The following FNDC3B variants were observed in gnomAD, a reference collection of about 807,000 sequenced individuals.
The protein encoded by FNDC3B is fibronectin type III domain containing 3B, also known as fibronectin type III domain-containing protein 3B.
A neutral mutation model predicts 151.5 loss-of-function variants in FNDC3B; 12 were observed. The ratio of observed to expected loss-of-function variants is 0.08; its 90% CI spans 0.05 to 0.13. FNDC3B has a LOEUF of 0.13. Among genes scored for constraint, FNDC3B ranks in the 10% least tolerant of loss-of-function variants. The pLI, the probability that FNDC3B is intolerant of heterozygous loss-of-function variation, is 1.00. For synonymous variants in FNDC3B, 528 were observed against 549.0 expected (o/e 0.96, Z 0.54); for missense variants, 1,214 against 1,505.3 (o/e 0.81, Z 3.20).
intron 2 of FNDC3B, among the ~76,000 whole-genome samples, chr3:172,114,532 A>G (rs553835949): frequency 6.6e-6 from 1 of 152,154 alleles, no homozygotes; most frequent in East Asian, 1.9e-4. Context: ...GCATTTCCCT[A>G]CCTTGCATAT....
intron 6 of FNDC3B, among the ~76,000 whole-genome samples, chr3:172,283,964 T>C (rs1474836411): frequency 6.6e-6 from 1 of 152,154 alleles, no homozygotes; most frequent in Non-Finnish European, 1.5e-5. Context: ...ACCAGCCCAT[T>C]TGTATTTCTC....
intron 22 of FNDC3B, among the ~76,000 whole-genome samples, chr3:172,360,416 G>A (rs780797639): frequency 9.2e-5 from 14 of 152,026 alleles, no homozygotes; most frequent in Non-Finnish European, 2.1e-4. Flanking sequence ...CATTCTCTTA[G>A]CAGTGCAAAA....
rs1728055870 is a variant in FNDC3B, at chr3:172,251,313, A to T, written c.562A>T (p.Ser188Cys). 1.2e-6 allele frequency: 2 copies of T among 1,613,862 alleles called. No individual in the cohort carries two copies. Among genetic ancestry groups the T allele is most frequent in the Non-Finnish European group, 1.7e-6 (2 of 1,179,766 alleles). Residue 188 changes from serine (S) to cysteine (C), a missense_variant, in exon 6 of 26, where the codon AGC becomes TGC. Around this residue, in one of 7 missense-constraint regions of FNDC3B, gnomAD observed 166 missense variants for 173.2 expected, o/e 0.96. Transcript: ENST00000415807. ...CTACATCACCCGAGAAGACCAGTACAGCAAGCCTCCGCACAAAAAACTGAA... is the reference window on the plus strand; with the variant it reads ...CTACATCACCCGAGAAGACCAGTACTGCAAGCCTCCGCACAAAAAACTGAA... ...STYITREDQY[S>C]KPPHKKLKDR...
chr3:172,233,756 A>G (rs1034408034), intron 4 of FNDC3B, among the ~76,000 whole-genome samples: 1 of 152,170 alleles, frequency 6.6e-6, no homozygotes, highest in Non-Finnish European at 1.5e-5. Flanking sequence ...TGAGATTCAG[A>G]CCCATTTGGT....
intron 1 of FNDC3B, among the ~76,000 whole-genome samples, chr3:172,052,843 G>C (rs1172825486): frequency 2.6e-5 from 4 of 152,208 alleles, no homozygotes; most frequent in African/African-American, 9.7e-5. Context: ...ATAGTGCTTA[G>C]ATTAAAGGAC....
rs377732209 is a variant in FNDC3B at position 172,170,095 on chromosome 3, A to G, written c.187+36549A>G. On this transcript the variant is annotated intron_variant, in intron 3 of 25. Coordinates refer to ENST00000415807, the MANE Select transcript of FNDC3B (RefSeq NM_022763.4). ...TCGTTATCTATGTTATTTAAAAGGT[A>G]TATTAAAAATATAAGCAAAGTTGTT... Among the ~76,000 whole-genome samples, 17 of 152,322 alleles carry G rather than the reference A, an allele frequency of 1.1e-4. No homozygotes were observed. The South Asian group carries it at 3.1e-3, about 28-fold the overall frequency.
chr3:172,298,681 G>C, intron 8 of FNDC3B, 47 bp from the exon 9 acceptor site: 1 of 1,419,346 alleles, frequency 7.0e-7, no homozygotes, highest in Non-Finnish European at 9.8e-7. Flanking sequence ...AATCTCGTTT[G>C]CTTTTGAAAC....
intron 11 of FNDC3B, among the ~76,000 whole-genome samples, chr3:172,312,587 A>T (rs1731568325): frequency 6.8e-6 from 1 of 147,300 alleles, no homozygotes; most frequent in African/African-American, 2.6e-5. Context: ...GTTCACCAGT[A>T]CAGAAAAGGC....
chr3:172,289,131 G>A (rs1243895587), intron 7 of FNDC3B, among the ~76,000 whole-genome samples: 3 of 152,184 alleles, frequency 2.0e-5, no homozygotes, highest in African/African-American at 7.2e-5. Flanking sequence ...TCAAGGTGTT[G>A]GCAGGGCTAT....
intron 1 of FNDC3B, among the ~76,000 whole-genome samples, chr3:172,045,541 A>G (rs1716321149): frequency 6.6e-6 from 1 of 152,232 alleles, no homozygotes; most frequent in Non-Finnish European, 1.5e-5. Context: ...ACAGCTGAGA[A>G]TGGAAAAGAA....
chr3:172,331,650 G>A (rs561919286), intron 13 of FNDC3B, among the ~76,000 whole-genome samples: 27 of 151,492 alleles, frequency 1.8e-4, no homozygotes, highest in East Asian at 5.9e-4. Flanking sequence ...GTGAGCCACC[G>A]CACCCAGCCA....
intron 5 of FNDC3B, among the ~76,000 whole-genome samples, chr3:172,250,094 T>C (rs1727991110): frequency 6.6e-6 from 1 of 152,216 alleles, no homozygotes; most frequent in Admixed American, 6.5e-5. Flanking sequence ...ATGTTACGCA[T>C]TGTCATTTTT....
intron 6 of FNDC3B, among the ~76,000 whole-genome samples, chr3:172,261,763 G>GATT (rs1244292605): frequency 1.3e-5 from 2 of 152,192 alleles, no homozygotes; most frequent in African/African-American, 4.8e-5. Context: ...AATTTACAAA[G>GATT]TAATAAGTGA....
chr3:172,271,523 T>C (rs752239716), intron 6 of FNDC3B, among the ~76,000 whole-genome samples: 5 of 152,226 alleles, frequency 3.3e-5, no homozygotes, highest in Non-Finnish European at 5.9e-5. Flanking sequence ...TGCGCTCTTA[T>C]TCTGATGAAA....
intron 23 of FNDC3B, among the ~76,000 whole-genome samples, chr3:172,369,439 C>A (rs2108353702): frequency 6.6e-6 from 1 of 151,932 alleles, no homozygotes; most frequent in African/African-American, 2.4e-5. Context: ...CATTTTAATA[C>A]ATTAATGTCT....
chr3:172,320,014 G>A (rs1274982126), intron 11 of FNDC3B, among the ~76,000 whole-genome samples: 2 of 152,162 alleles, frequency 1.3e-5, no homozygotes, highest in African/African-American at 4.8e-5. Flanking sequence ...CCAAATTCAT[G>A]GAACTTATTT....
chr3:172,063,995 G>A (rs1717357280), intron 1 of FNDC3B, among the ~76,000 whole-genome samples: 2 of 152,132 alleles, frequency 1.3e-5, no homozygotes, highest in African/African-American at 2.4e-5. Flanking sequence ...AGAAGCTTAA[G>A]GGCCAGGTGT....
intron 1 of FNDC3B, among the ~76,000 whole-genome samples, chr3:172,105,748 T>A (rs1483473275): frequency 1.3e-5 from 2 of 152,218 alleles, no homozygotes; most frequent in Non-Finnish European, 2.9e-5. Context: ...ATTACTGTTA[T>A]ACAAATGGCC....
At chr3:172,114,806 A>G (rs1720164118) in intron 2 of FNDC3B, among the ~76,000 whole-genome samples, 1 of 152,218 alleles carries the variant, frequency 6.6e-6, no homozygotes, top group Admixed American at 6.5e-5. Context: ...AATAAGAAGA[A>G]TCTGTTAATG....
Sources: allele counts gnomAD v4.1 joint callset (sites outside exome capture counted in the v4.1 genomes callset), GRCh38; gene constraint gnomAD v4.1.1; regional missense constraint gnomAD v4.1.1; transcripts MANE v1.5; gene names NCBI Gene and HGNC (gene_info 2026-07-23, HGNC 2026-07-21).